TRIO: variants seen among roughly 807,000 people sequenced by gnomAD.
The protein encoded by TRIO is trio Rho guanine nucleotide exchange factor.
Under a neutral mutation model 351.9 loss-of-function variants are expected in TRIO, and 58 were observed. The observed-to-expected ratio is 0.16, with a 90% CI of 0.13 to 0.21. The LOEUF (loss-of-function observed/expected upper bound fraction) is 0.21. Ranked by LOEUF, TRIO falls within the 10% of genes least tolerant of loss-of-function variation. The probability of loss-of-function intolerance (pLI) is 1.00; values close to 1 mark genes in which losing one functional copy is unlikely to be tolerated. For synonymous variants in TRIO, 1,758 were observed against 1,595.7 expected (o/e 1.10, Z -2.42); for missense variants, 3,201 against 4,027.8 (o/e 0.79, Z 5.56).
intron 34 of TRIO, among the ~76,000 whole-genome samples, chr5:14,453,897 A>G (rs148078332): frequency 2.0e-5 from 3 of 152,268 alleles, no homozygotes; most frequent in Admixed American, 1.3e-4. Flanking sequence ...AGTTGAGGGA[A>G]AGGCAAGAGA....
At chr5:14,441,021 G>A (rs963704715) in intron 34 of TRIO, 4 of 151,470 alleles carry the variant, frequency 2.6e-5, no homozygotes, top group African/African-American at 7.3e-5. Flanking sequence ...CGCGCGCTCA[G>A]ACGCCAGCGA....
rs557007717 is a variant in TRIO at position 14,461,022 on chromosome 5, C to T, written c.5207C>T (p.Ser1736Leu). Reference sequence around the variant, plus strand: ...TCCCTCTCTTTCTCCCTGGCAGACTCGCTCTCCGTCTCCAGCAATGACGCC... The same window carrying T: ...TCCCTCTCTTTCTCCCTGGCAGACTTGCTCTCCGTCTCCAGCAATGACGCC... ...EMEGIFNHKD[S>L]LSVSSNDASP... The change falls in exon 35 of 57, where the codon TCG becomes TTG. Residue 1736 changes from serine (S) to leucine (L), a missense_variant. This residue lies in a region of TRIO where 193 missense variants were observed against 218.8 expected (regional missense o/e 0.88). Transcript: ENST00000344204. 5.8e-6 allele frequency: 9 copies of T among 1,564,830 alleles called. No homozygotes were observed. Among genetic ancestry groups the T allele is most frequent in the South Asian group, 1.2e-5 (1 of 84,374 alleles).
At chr5:14,491,102 GT>G (rs890932210) in intron 48 of TRIO, among the ~76,000 whole-genome samples, 1 of 152,178 alleles carries the variant, frequency 6.6e-6, no homozygotes, top group African/African-American at 2.4e-5. Context: ...TGCACCACAG[GT>G]CTAGATTCAT....
intron 1 of TRIO, among the ~76,000 whole-genome samples, chr5:14,254,908 G>A (rs1409031994): frequency 6.6e-6 from 1 of 152,186 alleles, no homozygotes; most frequent in Non-Finnish European, 1.5e-5. Context: ...AATCTTAAAT[G>A]GGAGGAACTA....
At chr5:14,164,959 C>A (rs1446904603) in intron 1 of TRIO, among the ~76,000 whole-genome samples, 1 of 152,212 alleles carries the variant, frequency 6.6e-6, no homozygotes, top group South Asian at 2.1e-4. Context: ...GGCCACAGAA[C>A]AGATGGCCCT....
chr5:14,228,149 G>C (rs1793166282), intron 1 of TRIO, among the ~76,000 whole-genome samples: 1 of 152,134 alleles, frequency 6.6e-6, no homozygotes, highest in Non-Finnish European at 1.5e-5. Context: ...AAGGAAAAAA[G>C]AAAAACAGGT....
intron 1 of TRIO, among the ~76,000 whole-genome samples, chr5:14,193,920 C>T (rs973652513): frequency 6.6e-6 from 1 of 152,180 alleles, no homozygotes; most frequent in African/African-American, 2.4e-5. Flanking sequence ...ACAGACTCTG[C>T]CCTGAAGTCC....
At chr5:14,317,540 C>T (rs1294657922) in intron 9 of TRIO, among the ~76,000 whole-genome samples, 1 of 152,186 alleles carries the variant, frequency 6.6e-6, no homozygotes, top group African/African-American at 2.4e-5. Flanking sequence ...CTCAGGTTTC[C>T]ATCTCCCTGA....
chr5:14,269,445 C>T (rs1393390278), intron 1 of TRIO, among the ~76,000 whole-genome samples: 1 of 152,246 alleles, frequency 6.6e-6, no homozygotes, highest in African/African-American at 2.4e-5. Context: ...ACTACACATT[C>T]TCTGTGTTTG....
intron 1 of TRIO, among the ~76,000 whole-genome samples, chr5:14,206,138 T>C (rs1201750172): frequency 6.6e-6 from 1 of 152,212 alleles, no homozygotes; most frequent in Non-Finnish European, 1.5e-5. Flanking sequence ...CTCAGCTCAC[T>C]GCAACCTCTT....
At chr5:14,476,534 G>A (rs902725634) in intron 40 of TRIO, among the ~76,000 whole-genome samples, 8 of 152,208 alleles carry the variant, frequency 5.3e-5, no homozygotes, top group African/African-American at 1.7e-4. Flanking sequence ...GCTCACGCCT[G>A]TAATCCCAGC....
rs776964093 is a variant in TRIO, at chr5:14,496,846, G to A, written c.7881-33G>A. The A allele has an allele frequency of 4.7e-5, 75 of 1,610,946 alleles. 1 individual carries two copies. The South Asian group carries it at 7.7e-4, about 17-fold the overall frequency. On this transcript the variant is annotated intron_variant, in intron 49 of 56. Coordinates refer to ENST00000344204, the MANE Select transcript of TRIO (RefSeq NM_007118.4). ...GCAGCACTTGGTGAATGTTGGAAAG[G>A]CATAATACCCACAGTGTGTTCATTT...
At chr5:14,144,017 C>T (rs1275817204) in intron 1 of TRIO, 135 bp downstream of exon 1, 2 of 590,028 alleles carry the variant, frequency 3.4e-6, no homozygotes, top group Non-Finnish European at 4.3e-6. Context: ...AGGCTCTCGC[C>T]TGGGACCACT....
intron 11 of TRIO, among the ~76,000 whole-genome samples, chr5:14,343,087 T>C (rs1742085466): frequency 1.2e-5 from 1 of 82,816 alleles, no homozygotes; most frequent in Non-Finnish European, 2.5e-5. Context: ...CACAGAAAGT[T>C]GCAAAAAAAA....
At chr5:14,507,330 C>G in intron 56 of TRIO, 70 bp downstream of exon 56, 1 of 1,581,406 alleles carries the variant, frequency 6.3e-7, no homozygotes, top group South Asian at 1.2e-5. Flanking sequence ...ACACAGAGCC[C>G]CCTCTGAAGC....
intron 28 of TRIO, among the ~76,000 whole-genome samples, chr5:14,395,209 A>G (rs900440637): frequency 2.0e-5 from 3 of 152,228 alleles, no homozygotes; most frequent in African/African-American, 7.2e-5. Context: ...GGATTTTTCA[A>G]TTGGAAAAGC....
At chr5:14,349,243 G>GCA (rs769439118) in intron 11 of TRIO, among the ~76,000 whole-genome samples, 3 of 145,562 alleles carry the variant, frequency 2.1e-5, no homozygotes, top group African/African-American at 5.1e-5. Flanking sequence ...GTTTGTGTGT[G>GCA]CACACACGTG....
intron 1 of TRIO, among the ~76,000 whole-genome samples, chr5:14,222,263 G>T (rs1198390979): frequency 6.6e-6 from 1 of 151,646 alleles, no homozygotes; most frequent in African/African-American, 2.4e-5. Context: ...AACGTATAGT[G>T]TAAACATAAT....
chr5:14,471,720 A>G (rs1472684101), intron 38 of TRIO, among the ~76,000 whole-genome samples: 5 of 152,214 alleles, frequency 3.3e-5, no homozygotes, highest in Non-Finnish European at 7.3e-5. Context: ...GTCTTCTGCC[A>G]CATGTGGTGA....
Sources: gnomAD v4.1 joint callset for allele counts (sites outside exome capture counted in the v4.1 genomes callset) on GRCh38, gnomAD v4.1.1 for gene constraint, gnomAD v4.1.1 regional missense constraint, MANE v1.5 for transcripts, NCBI Gene and HGNC (gene_info 2026-07-23, HGNC 2026-07-21) for gene names.